The following ARPP21 variants were observed in gnomAD, a reference collection of about 807,000 sequenced individuals.
ARPP21 encodes the protein cAMP regulated phosphoprotein 21.
In ARPP21, 69 loss-of-function variants were observed where a neutral mutation model predicts 113.2. That is an observed-to-expected ratio of 0.61 (90% CI 0.50 to 0.74). ARPP21 has a LOEUF of 0.74. Among genes scored for constraint, ARPP21 ranks in the 30% least tolerant of loss-of-function variants. The pLI, the probability that ARPP21 is intolerant of heterozygous loss-of-function variation, is 0.00. For missense variants in ARPP21, 1,070 were observed against 1,037.4 expected (o/e 1.03, Z -0.43); for synonymous variants, 368 against 375.5 (o/e 0.98, Z 0.23).
At chr3:35,692,308 G>C (rs1431494096) in intron 9 of ARPP21, among the ~76,000 whole-genome samples, 1 of 151,578 alleles carries the variant, frequency 6.6e-6, no homozygotes, top group Non-Finnish European at 1.5e-5. Context: ...TATTTGAATA[G>C]TAGTAAAAAT....
At chr3:35,746,963 G>A (rs1343741836) in intron 19 of ARPP21, among the ~76,000 whole-genome samples, 1 of 152,158 alleles carries the variant, frequency 6.6e-6, no homozygotes, top group African/African-American at 2.4e-5. Flanking sequence ...CTTTATCCTG[G>A]TGATTTTGTA....
rs764255077 is a variant in ARPP21, at chr3:35,717,390, T to C, written c.995+33T>C. 8 of 1,355,948 alleles carry C rather than the reference T, an allele frequency of 5.9e-6. 1 individual carries two copies. In the Admixed American group the frequency reaches 1.2e-4, roughly 20 times the overall value. 84.0% of individuals were successfully genotyped at this position (1,355,948 alleles called of 1,614,324 possible). Reference sequence around the variant, plus strand: ...TGGTTTACTTTCTTAAACTGTGTTTTTTTCAAATTATGTGGTAGAATCAAT... The same window carrying C: ...TGGTTTACTTTCTTAAACTGTGTTTCTTTCAAATTATGTGGTAGAATCAAT... On this transcript the variant is annotated intron_variant, in intron 13 of 20. Coordinates refer to ENST00000684406, the MANE Select transcript of ARPP21 (RefSeq NM_001385562.1).
chr3:35,739,228 C>T, intron 17 of ARPP21, 89 bp from the exon 18 acceptor site: 1 of 1,460,694 alleles, frequency 6.8e-7, no homozygotes, highest in Non-Finnish European at 9.3e-7. Flanking sequence ...CCCACAACTC[C>T]AAGAATGTGT....
chr3:35,644,371 G>C (rs779694051), intron 1 of ARPP21, among the ~76,000 whole-genome samples: 4 of 151,796 alleles, frequency 2.6e-5, no homozygotes, highest in Non-Finnish European at 5.9e-5. Context: ...GATCTATGAG[G>C]ATTAGATATG....
At chr3:35,682,719 T>C (rs2079291113) in intron 3 of ARPP21, 129 bp from the exon 4 acceptor site, 3 of 722,962 alleles carry the variant, frequency 4.1e-6, no homozygotes, top group Non-Finnish European at 6.4e-6. Context: ...GCTATTATTA[T>C]TGACTTCTCT....
At chr3:35,663,289 C>G (rs1708650165) in intron 1 of ARPP21, among the ~76,000 whole-genome samples, 1 of 152,264 alleles carries the variant, frequency 6.6e-6, no homozygotes, top group African/African-American at 2.4e-5. Flanking sequence ...AAGCTGTGAT[C>G]TATACGGTTT....
chr3:35,762,076 A>G (rs999865902), intron 19 of ARPP21, among the ~76,000 whole-genome samples: 1 of 136,950 alleles, frequency 7.3e-6, no homozygotes, highest in African/African-American at 2.9e-5. Context: ...CTTTATAATA[A>G]CTACACAGAC....
intron 19 of ARPP21, among the ~76,000 whole-genome samples, chr3:35,789,291 C>T (rs1458161769): frequency 6.6e-6 from 1 of 152,174 alleles, no homozygotes; most frequent in Non-Finnish European, 1.5e-5. Flanking sequence ...TAGGTCACTG[C>T]TATTTTATTT....
chr3:35,770,171 C>A (rs1458233182), intron 19 of ARPP21, among the ~76,000 whole-genome samples: 1 of 152,146 alleles, frequency 6.6e-6, no homozygotes, highest in Non-Finnish European at 1.5e-5. Flanking sequence ...TTATATGAGA[C>A]TCTGCTTCCC....
chr3:35,762,757 T>G (rs1394747791), intron 19 of ARPP21, among the ~76,000 whole-genome samples: 6 of 152,160 alleles, frequency 3.9e-5, no homozygotes, highest in Admixed American at 3.9e-4. Context: ...TATTCTTAAT[T>G]TGAAGGCAGG....
intron 5 of ARPP21, chr3:35,685,193 T>C (rs2080188082): frequency 2.0e-6 from 2 of 985,324 alleles, no homozygotes; most frequent in Non-Finnish European, 1.2e-6. Context: ...CAGGAGGAAA[T>C]TTTTTAAGGG....
At chr3:35,661,830 G>A (rs1707970761) in intron 1 of ARPP21, among the ~76,000 whole-genome samples, 1 of 152,124 alleles carries the variant, frequency 6.6e-6, no homozygotes, top group South Asian at 2.1e-4. Flanking sequence ...AAAGGAGACA[G>A]TGACATACCT....
intron 5 of ARPP21, 58 bp from the exon 6 acceptor site, chr3:35,687,681 G>T (rs1014897667): frequency 6.7e-6 from 10 of 1,491,372 alleles, no homozygotes; most frequent in Non-Finnish European, 9.1e-6. Flanking sequence ...ATGCAAAATG[G>T]GAGCCAGACA....
chr3:35,781,164 A>G (rs1421247562), intron 19 of ARPP21, among the ~76,000 whole-genome samples: 16 of 152,198 alleles, frequency 1.1e-4, no homozygotes, highest in Non-Finnish European at 2.9e-5. Context: ...CTGCAGCCTC[A>G]AGGGAACTTC....
At chr3:35,748,067 GAAGA>G (rs71622571) in intron 19 of ARPP21, among the ~76,000 whole-genome samples, 2,326 of 86,754 alleles carry the variant, frequency 0.027, 53 homozygotes, top group East Asian at 0.1. Context: ...AAGAAGGAAG[GAAGA>G]AAGAAAGAAA....
intron 9 of ARPP21, 100 bp from the exon 10 acceptor site, chr3:35,706,874 T>C (rs1020230938): frequency 4.6e-6 from 4 of 860,304 alleles, no homozygotes; most frequent in Non-Finnish European, 5.4e-6. Context: ...ACTTGTAAAC[T>C]TTTAAGTTAA....
intron 9 of ARPP21, among the ~76,000 whole-genome samples, chr3:35,695,715 G>T (rs936396125): frequency 6.6e-6 from 1 of 151,494 alleles, no homozygotes. Flanking sequence ...TAAGGAGGGG[G>T]ATACATGGCA....
At chr3:35,642,507 T>C (rs1698466050) in intron 1 of ARPP21, 1 of 152,174 alleles carries the variant, frequency 6.6e-6, no homozygotes, top group Non-Finnish European at 1.5e-5. Context: ...CATGAATAGT[T>C]CAATAGGTGT....
At chr3:35,654,016 G>A (rs955253456) in intron 1 of ARPP21, among the ~76,000 whole-genome samples, 5 of 151,742 alleles carry the variant, frequency 3.3e-5, no homozygotes, top group Admixed American at 1.3e-4. Flanking sequence ...AAAATACTAC[G>A]GCATATCTAA....
Sources: gnomAD v4.1 joint callset for allele counts (sites outside exome capture counted in the v4.1 genomes callset) on GRCh38, gnomAD v4.1.1 for gene constraint, MANE v1.5 for transcripts, NCBI Gene and HGNC (gene_info 2026-07-23, HGNC 2026-07-21) for gene names.